The following HABP4 variants were observed in gnomAD, a reference collection of about 807,000 sequenced individuals.
The protein encoded by HABP4 is intracellular hyaluronan-binding protein 4.
HABP4 carries 32 observed loss-of-function variants against 44.1 expected under a neutral mutation model. That is an observed-to-expected ratio of 0.73 (90% CI 0.55 to 0.97). The LOEUF is 0.97. Ranked by LOEUF, HABP4 falls within the 50% of genes least tolerant of loss-of-function variation. The pLI is 0.00. For missense variants in HABP4, 503 were observed against 561.9 expected, an observed-to-expected ratio of 0.90 and a Z score of 1.06; for synonymous variants, 216 against 218.0, an observed-to-expected ratio of 0.99 and a Z score of 0.08.
In HABP4 at chr9:96,450,174, C is replaced by T; in HGVS notation, c.-106C>T. ...CGGTAGGGGCCGGACAGGGTAGGGCCCGGAGGGCGGTGGCGGCGGAGCGGG... is the reference window on the plus strand; with the variant it reads ...CGGTAGGGGCCGGACAGGGTAGGGCTCGGAGGGCGGTGGCGGCGGAGCGGG... On this transcript the variant is annotated 5_prime_UTR_variant, in exon 1 of 8. Transcript: ENST00000375249. The surrounding 1 kb of genome is among the most constrained non-coding windows in gnomAD (Gnocchi z 4.8). The T allele has an allele frequency of 8.7e-7, 1 of 1,146,672 alleles. No individual in the cohort carries two copies. The highest frequency in any genetic ancestry group is 3.9e-5 in the East Asian group (1 of 25,404). The allele number at this position is 1,146,672 out of a possible 1,614,324, so 71.0% of individuals were successfully genotyped here.
At chr9:96,454,737 C>G (rs966380140) in intron 1 of HABP4, among the ~76,000 whole-genome samples, 3 of 152,122 alleles carry the variant, frequency 2.0e-5, no homozygotes, top group African/African-American at 7.2e-5. Context: ...CATGAGCCAC[C>G]GCGCCTGGCC....
At chr9:96,481,080 CTGTTT>C (rs778289532) in intron 5 of HABP4, among the ~76,000 whole-genome samples, 3 of 152,044 alleles carry the variant, frequency 2.0e-5, no homozygotes, top group Non-Finnish European at 4.4e-5. Flanking sequence ...TCCCCACCTA[CTGTTT>C]TGTTTTGTTT....
intron 5 of HABP4, among the ~76,000 whole-genome samples, chr9:96,479,129 A>G (rs1452528263): frequency 1.3e-5 from 2 of 152,204 alleles, no homozygotes; most frequent in East Asian, 1.9e-4. Context: ...AGTTCATTCA[A>G]TATTTCCAAT....
At chr9:96,458,352 C>T in intron 1 of HABP4, 27 bp from the exon 2 acceptor site, 2 of 1,608,144 alleles carry the variant, frequency 1.2e-6, no homozygotes, top group South Asian at 1.1e-5. Flanking sequence ...TGTGTTCCAG[C>T]TCTCTGCTTT....
intron 1 of HABP4, among the ~76,000 whole-genome samples, chr9:96,451,965 C>T (rs909568092): frequency 1.3e-5 from 2 of 152,140 alleles, no homozygotes. Flanking sequence ...TGGTGGCTCA[C>T]GCCTGTAATC....
chr9:96,473,909 C>G (rs1481925286), intron 5 of HABP4, among the ~76,000 whole-genome samples: 1 of 152,240 alleles, frequency 6.6e-6, no homozygotes, highest in Non-Finnish European at 1.5e-5. Flanking sequence ...GAAATCCCAG[C>G]TCTGCCACTT....
At chr9:96,456,772 AAAAAAAAAATATATATATATAT>A (rs1353931298) in intron 1 of HABP4, among the ~76,000 whole-genome samples, 64 of 72,102 alleles carry the variant, frequency 8.9e-4, no homozygotes, top group African/African-American at 3.7e-3. Context: ...AAAAAAAAAA[AAAAAAAAAATATATATATATAT>A]ATATATATAT....
At chr9:96,489,256 C>T (rs1230040090) in intron 7 of HABP4, among the ~76,000 whole-genome samples, 1 of 152,144 alleles carries the variant, frequency 6.6e-6, no homozygotes, top group Non-Finnish European at 1.5e-5. Flanking sequence ...GAAACACACC[C>T]TCACTCCTTT....
chr9:96,450,167 G>A (rs1046301626), upstream of HABP4: 219 of 1,098,832 alleles, frequency 2.0e-4, 2 homozygotes, highest in Non-Finnish European at 4.9e-5. This position sits in a 1 kb window ranked among gnomAD's most constrained non-coding sequence, Gnocchi z 4.8. Context: ...GCCGGACAGG[G>A]TAGGGCCCGG....
In HABP4 at chr9:96,450,405, G is replaced by T. The variant is rs1248927852; in HGVS notation, c.126G>T (p.Leu42=). The part of the protein sequence containing the change: ...LDDESDPFDI[L]REAERRRQQQ... ...ACGAGTCGGACCCGTTCGACATCCT[G>T]CGCGAGGCCGAGCGCCGGCGCCAGC... The change falls in exon 1 of 8, where the codon CTG becomes CTT. Residue 42 remains leucine, a synonymous_variant. Transcript: ENST00000375249. The surrounding 1 kb of genome is among the most constrained non-coding windows in gnomAD (Gnocchi z 4.8). The T allele has an allele frequency of 8.4e-7, 1 of 1,188,934 alleles. No homozygotes were observed. Among genetic ancestry groups the T allele is most frequent in the Middle Eastern group, 2.3e-4 (1 of 4,304 alleles). 73.6% of individuals were successfully genotyped at this position (1,188,934 alleles called of 1,614,324 possible). A position where few individuals can be genotyped will look rare whatever the true frequency, so the allele number is the denominator to read the frequency against.
At chr9:96,481,167 C>G (rs1266873052) in intron 5 of HABP4, among the ~76,000 whole-genome samples, 2 of 152,140 alleles carry the variant, frequency 1.3e-5, no homozygotes, top group African/African-American at 4.8e-5. Flanking sequence ...TCACTGCAAC[C>G]TCCGCCTCCC....
rs1474505839 is a variant in HABP4 at position 96,456,776 on chromosome 9, AAAAAATATATATATATATATATATAT to A, written c.350-1601_350-1576del. Among the ~76,000 whole-genome samples the A allele has an allele frequency of 2.6e-4, 17 of 64,488 alleles. No individual in the cohort carries two copies. The East Asian group carries it at 3.2e-3, about 12-fold the overall frequency. 42.3% of individuals were successfully genotyped at this position (64,488 alleles called of 152,430 possible). A position where few individuals can be genotyped will look rare whatever the true frequency, so the allele number is the denominator to read the frequency against. ...CTCCATCTCAAAAAAAAAAAAAAAA[AAAAAATATATATATATATATATATAT>A]ATATATATATATATATATATCCATT... On this transcript the variant is annotated intron_variant, in intron 1 of 7. Transcript: ENST00000375249.
intron 2 of HABP4, among the ~76,000 whole-genome samples, chr9:96,463,633 C>T (rs567504527): frequency 5.9e-5 from 9 of 152,130 alleles, no homozygotes; most frequent in African/African-American, 1.7e-4. Context: ...GTTTTGGTTA[C>T]AGGAGGTGGG....
chr9:96,470,615 C>G (rs1004471193), intron 4 of HABP4, among the ~76,000 whole-genome samples: 2 of 151,616 alleles, frequency 1.3e-5, no homozygotes, highest in African/African-American at 4.8e-5. Context: ...ACTTTAAAGC[C>G]CTCAATAGGC....
At chr9:96,473,224 C>A (rs777763767) in intron 5 of HABP4, among the ~76,000 whole-genome samples, 80 of 152,210 alleles carry the variant, frequency 5.3e-4, no homozygotes, top group Non-Finnish European at 9.1e-4. Context: ...TGGACACTTT[C>A]CCTGGGACAT....
At chr9:96,484,770 C>T in intron 6 of HABP4, 137 bp downstream of exon 6, 1 of 630,516 alleles carries the variant, frequency 1.6e-6, no homozygotes, top group Non-Finnish European at 2.9e-6. Flanking sequence ...ATGATGCATG[C>T]CTAATTTTAC....
chr9:96,466,057 A>G (rs1049893027), intron 4 of HABP4, among the ~76,000 whole-genome samples: 1 of 152,206 alleles, frequency 6.6e-6, no homozygotes, highest in Non-Finnish European at 1.5e-5. Flanking sequence ...ATGGCACTGT[A>G]CATTTGCACA....
rs138133754 is a variant in HABP4, at chr9:96,465,393, G to T, written c.569G>T (p.Gly190Val). The T allele has an allele frequency of 7.5e-6, 12 of 1,609,578 alleles. No individual in the cohort carries two copies. Among genetic ancestry groups the T allele is most frequent in the East Asian group, 4.5e-5 (2 of 44,868 alleles). The change falls in exon 3 of 8, where the codon GGG (glycine) becomes GTG (valine). Residue 190 changes from glycine to valine, a missense_variant. This residue lies in a region of HABP4 where 290 missense variants were observed against 300.5 expected (regional missense o/e 0.97). Transcript: ENST00000375249. ...RPLRGRGGPR[G>V]GMRGRGRGGP... ...TTGAGAGGACGTGGAGGCCCGAGAG[G>T]GGGTATGCGCGGCAGAGGCAGAGGT...
intron 5 of HABP4, chr9:96,483,653 T>G (rs1832919051): frequency 6.6e-6 from 1 of 152,256 alleles, no homozygotes; most frequent in Non-Finnish European, 1.5e-5. Flanking sequence ...TTTACTTTCT[T>G]GATGGTGTCC....
Sources: gnomAD v4.1 joint callset for allele counts (sites outside exome capture counted in the v4.1 genomes callset) on GRCh38, gnomAD v4.1.1 for gene constraint, gnomAD v4.1.1 regional missense constraint, Gnocchi (gnomAD v3.1) non-coding constraint, MANE v1.5 for transcripts, NCBI Gene and HGNC (gene_info 2026-07-23, HGNC 2026-07-21) for gene names.